The following KCNQ3 variants were observed in gnomAD, a reference collection of about 807,000 sequenced individuals.
KCNQ3 encodes the protein potassium voltage-gated channel subfamily KQT member 3.
KCNQ3 carries 30 observed loss-of-function variants against 92.5 expected under a neutral mutation model. The ratio of observed to expected loss-of-function variants is 0.32; its 90% CI spans 0.24 to 0.44. The LOEUF is 0.44. Ranked by LOEUF, KCNQ3 falls within the 20% of genes least tolerant of loss-of-function variation. The pLI is 1.00. For missense variants in KCNQ3, 913 were observed against 1,140.3 expected (o/e 0.80, Z 2.87); for synonymous variants, 450 against 468.8 (o/e 0.96, Z 0.52).
chr8:132,159,055 A>G (rs1825899290), intron 9 of KCNQ3, among the ~76,000 whole-genome samples: 2 of 152,194 alleles, frequency 1.3e-5, no homozygotes, highest in Non-Finnish European at 2.9e-5. Flanking sequence ...CTATTTTGAG[A>G]ATTTAAAAAA....
intron 1 of KCNQ3, among the ~76,000 whole-genome samples, chr8:132,249,042 C>T (rs999131081): frequency 2.6e-5 from 4 of 152,060 alleles, no homozygotes; most frequent in Non-Finnish European, 5.9e-5. Context: ...GGAGTTTCTT[C>T]CTTCTGGTGG....
At chr8:132,309,785 C>G (rs1817537342) in intron 1 of KCNQ3, among the ~76,000 whole-genome samples, 2 of 152,180 alleles carry the variant, frequency 1.3e-5, no homozygotes, top group Admixed American at 1.3e-4. Context: ...AACTGGTCCC[C>G]TCTGTGAGAG....
chr8:132,422,938 G>A (rs1284760649), intron 1 of KCNQ3, among the ~76,000 whole-genome samples: 1 of 152,188 alleles, frequency 6.6e-6, no homozygotes, highest in Non-Finnish European at 1.5e-5. Flanking sequence ...GAGAGGAGCA[G>A]GTCCTGAAGG....
chr8:132,316,030 A>G (rs945838157), intron 1 of KCNQ3, among the ~76,000 whole-genome samples: 1 of 152,074 alleles, frequency 6.6e-6, no homozygotes, highest in East Asian at 1.9e-4. Flanking sequence ...TTTTACTAAC[A>G]ACGACCCTGG....
intron 1 of KCNQ3, among the ~76,000 whole-genome samples, chr8:132,329,715 C>T (rs1563862758): frequency 6.6e-6 from 1 of 152,194 alleles, no homozygotes; most frequent in Non-Finnish European, 1.5e-5. Flanking sequence ...CCCAGATCTG[C>T]TCTTGTTATC....
intron 7 of KCNQ3, among the ~76,000 whole-genome samples, 167 bp downstream of exon 7, chr8:132,172,431 C>CACAG (rs1554626954): frequency 2.0e-5 from 3 of 150,700 alleles, no homozygotes; most frequent in South Asian, 2.1e-4. Context: ...CACACACACA[C>CACAG]ACACAGACAC....
intron 12 of KCNQ3, among the ~76,000 whole-genome samples, chr8:132,134,656 C>T (rs1563765096): frequency 6.6e-6 from 1 of 151,724 alleles, no homozygotes; most frequent in Non-Finnish European, 1.5e-5. Flanking sequence ...TATTCTTCCG[C>T]TTGTTTTGAT....
chr8:132,353,092 G>A (rs111647853), intron 1 of KCNQ3, among the ~76,000 whole-genome samples: 1,956 of 152,282 alleles, frequency 0.013, 50 homozygotes, highest in African/African-American at 0.045. Context: ...CAGGCATGGT[G>A]GTGGGCGCCT....
intron 1 of KCNQ3, among the ~76,000 whole-genome samples, chr8:132,200,868 A>G (rs1367983920): frequency 6.6e-6 from 1 of 152,190 alleles, no homozygotes; most frequent in Non-Finnish European, 1.5e-5. Context: ...GTGCATGTTT[A>G]CAGATAGTGT....
intron 1 of KCNQ3, among the ~76,000 whole-genome samples, chr8:132,242,193 T>G (rs942466833): frequency 6.6e-6 from 1 of 152,200 alleles, no homozygotes; most frequent in Non-Finnish European, 1.5e-5. Flanking sequence ...AGGTGGTTAA[T>G]GCATCTGCTT....
chr8:132,417,944 TG>T (rs1820864200), intron 1 of KCNQ3, among the ~76,000 whole-genome samples: 1 of 152,150 alleles, frequency 6.6e-6, no homozygotes, highest in African/African-American at 2.4e-5. Context: ...AGAGTGAGGA[TG>T]GCTTCAATCC....
At chr8:132,416,654 C>T (rs1229713195) in intron 1 of KCNQ3, among the ~76,000 whole-genome samples, 1 of 152,082 alleles carries the variant, frequency 6.6e-6, no homozygotes, top group African/African-American at 2.4e-5. Flanking sequence ...CATACATTTA[C>T]TCAAGAGGTG....
chr8:132,178,262 G>A (rs1826635302), intron 4 of KCNQ3, among the ~76,000 whole-genome samples: 1 of 152,186 alleles, frequency 6.6e-6, no homozygotes, highest in African/African-American at 2.4e-5. Context: ...TAGAAGGTCA[G>A]GAGAAAGAAA....
At chr8:132,317,551 C>T (rs527904352) in intron 1 of KCNQ3, among the ~76,000 whole-genome samples, 3 of 152,288 alleles carry the variant, frequency 2.0e-5, no homozygotes, top group East Asian at 3.9e-4. Context: ...TGTGGTGCTA[C>T]CTGTGGTGTC....
chr8:132,415,561 C>A lies in KCNQ3; in HGVS notation c.386+64586G>T, dbSNP rs374804741. On this transcript the variant is annotated intron_variant, in intron 1 of 14. Coordinates refer to ENST00000388996, the MANE Select transcript of KCNQ3 (RefSeq NM_004519.4). ...TCTCTGCAGTGACAGTGCTCAGGGACCCAGGCTGCTCTGCAGACCACAGGC... is the reference window on the plus strand; with the variant it reads ...TCTCTGCAGTGACAGTGCTCAGGGAACCAGGCTGCTCTGCAGACCACAGGC... Among the ~76,000 whole-genome samples the A allele has an allele frequency of 2.0e-5, 3 of 152,192 alleles. No individual in the cohort carries two copies. In the South Asian group the frequency reaches 6.2e-4, roughly 32 times the overall value.
chr8:132,458,532 G>A (rs1821993961), intron 1 of KCNQ3, among the ~76,000 whole-genome samples: 1 of 152,104 alleles, frequency 6.6e-6, no homozygotes, highest in South Asian at 2.1e-4. Context: ...ACGGCTCATC[G>A]CAACCTCCGC....
At chr8:132,283,092 CGTGTGTGTGTGT>C (rs1195934839) in intron 1 of KCNQ3, among the ~76,000 whole-genome samples, 1 of 130,608 alleles carries the variant, frequency 7.7e-6, no homozygotes, top group African/African-American at 3.0e-5. Context: ...CTCTCTCTCT[CGTGTGTGTGTGT>C]GTGTGTGTGT....
intron 1 of KCNQ3, among the ~76,000 whole-genome samples, chr8:132,237,411 T>C (rs1257740618): frequency 6.6e-6 from 1 of 152,186 alleles, no homozygotes; most frequent in Non-Finnish European, 1.5e-5. Context: ...AACTAGTATT[T>C]TCATCTTTAT....
At chr8:132,216,169 G>A (rs1814022361) in intron 1 of KCNQ3, among the ~76,000 whole-genome samples, 1 of 152,184 alleles carries the variant, frequency 6.6e-6, no homozygotes, top group Non-Finnish European at 1.5e-5. Context: ...AGAGAATAAA[G>A]GGCCAAACCA....
Sources: gnomAD v4.1 joint callset for allele counts (sites outside exome capture counted in the v4.1 genomes callset) on GRCh38, gnomAD v4.1.1 for gene constraint, MANE v1.5 for transcripts, NCBI Gene and HGNC (gene_info 2026-07-23, HGNC 2026-07-21) for gene names.